The following ABI3BP variants were observed in gnomAD, a reference collection of about 807,000 sequenced individuals.
ABI3BP encodes the protein ABI family member 3 binding protein.
ABI3BP carries 216 observed loss-of-function variants against 268.6 expected under a neutral mutation model. The ratio of observed to expected loss-of-function variants is 0.80; its 90% confidence interval spans 0.72 to 0.90. The LOEUF is 0.90. Among genes scored for constraint, ABI3BP ranks in the 40% least tolerant of loss-of-function variants. The pLI, the probability that ABI3BP is intolerant of heterozygous loss-of-function variation, is 0.00. For missense variants in ABI3BP, 2,090 were observed against 2,182.4 expected (o/e 0.96, Z 0.84); for synonymous variants, 730 against 730.0 (o/e 1.00, Z 0.00).
chr3:100,871,690 C>T lies in ABI3BP; in HGVS notation c.910+3151G>A, dbSNP rs1424749859. ...TTCCATCACGAATGTGAGGCTTCCC[C>T]AGCCATGTGGAACTATAAGTCCAAT... On this transcript the variant is annotated intron_variant, in intron 9 of 67. Transcript: ENST00000471714. 2.6e-5 allele frequency among the ~76,000 whole-genome samples: 4 copies of T among 152,190 alleles called. No individual in the cohort carries two copies. The East Asian group carries it at 7.7e-4, about 29-fold the overall frequency.
At chr3:100,878,068 G>A (rs996330413) in intron 6 of ABI3BP, among the ~76,000 whole-genome samples, 1 of 152,096 alleles carries the variant, frequency 6.6e-6, no homozygotes, top group Non-Finnish European at 1.5e-5. Flanking sequence ...TTGACTCAAT[G>A]ATTTCCTCCT....
At position 100,859,258 on chromosome 3, in the gene ABI3BP, A is replaced by G. The variant is rs2098970664; in HGVS notation, c.1285+3053T>C. On this transcript the variant is annotated intron_variant, in intron 14 of 67. Coordinates refer to ENST00000471714, the MANE Select transcript of ABI3BP (RefSeq NM_001375547.2). ...ATCATACCCCAACAGAGAAAACAGA[A>G]TGTGCTCATTTGGCTGTAATAATGT... Among the ~76,000 whole-genome samples, 2 of 152,056 alleles carry G rather than the reference A, an allele frequency of 1.3e-5. 1 individual carries two copies. Among genetic ancestry groups the G allele is most frequent in the South Asian group, 4.1e-4 (2 of 4,830 alleles).
intron 1 of ABI3BP, among the ~76,000 whole-genome samples, chr3:100,943,815 GC>G (rs767888151): frequency 2.6e-5 from 4 of 151,892 alleles, no homozygotes; most frequent in African/African-American, 4.8e-5. Flanking sequence ...TTCATAATCA[GC>G]CTCTTTTGAT....
At chr3:100,884,902 T>A (rs1328163486) in intron 6 of ABI3BP, among the ~76,000 whole-genome samples, 1 of 152,074 alleles carries the variant, frequency 6.6e-6, no homozygotes, top group Non-Finnish European at 1.5e-5. Context: ...TAACAGTGAC[T>A]TACAGTCATC....
At chr3:100,947,141 TAATAA>T (rs1440556017) in intron 1 of ABI3BP, among the ~76,000 whole-genome samples, 8 of 152,264 alleles carry the variant, frequency 5.3e-5, no homozygotes, top group African/African-American at 1.9e-4. Context: ...TTTTCAATAT[TAATAA>T]AATATTGAAA....
intron 55 of ABI3BP, among the ~76,000 whole-genome samples, chr3:100,790,854 T>A (rs1048595414): frequency 6.6e-6 from 1 of 151,998 alleles, no homozygotes; most frequent in Non-Finnish European, 1.5e-5. Context: ...AGAATATGTA[T>A]AAATTTTAAG....
intron 2 of ABI3BP, among the ~76,000 whole-genome samples, chr3:100,907,097 C>A (rs1388581564): frequency 6.6e-6 from 1 of 152,190 alleles, no homozygotes; most frequent in Non-Finnish European, 1.5e-5. Flanking sequence ...TCCTATGCAA[C>A]TACATGCTAG....
chr3:100,987,861 G>A (rs920419595), intron 1 of ABI3BP, among the ~76,000 whole-genome samples: 1 of 152,136 alleles, frequency 6.6e-6, no homozygotes, highest in Non-Finnish European at 1.5e-5. Flanking sequence ...ATACTTTTAA[G>A]AATTATTAAG....
At chr3:100,846,182 T>C (rs1417840836) in intron 20 of ABI3BP, among the ~76,000 whole-genome samples, 190 bp downstream of exon 20, 1 of 152,194 alleles carries the variant, frequency 6.6e-6, no homozygotes, top group East Asian at 1.9e-4. Context: ...ATCATGAACA[T>C]TGCTGAGAGC....
intron 40 of ABI3BP, among the ~76,000 whole-genome samples, chr3:100,819,641 T>C (rs1203276611): frequency 2.0e-5 from 3 of 151,900 alleles, no homozygotes; most frequent in Non-Finnish European, 4.4e-5. Flanking sequence ...ATGAGGACAA[T>C]TGAATGAAAT....
chr3:100,948,261 A>C (rs2073416408), intron 1 of ABI3BP, among the ~76,000 whole-genome samples: 1 of 152,222 alleles, frequency 6.6e-6, no homozygotes, highest in Non-Finnish European at 1.5e-5. Context: ...TTCAAATCTT[A>C]GATGATTAAA....
chr3:100,949,084 C>T (rs2073807799), intron 1 of ABI3BP, among the ~76,000 whole-genome samples: 1 of 151,998 alleles, frequency 6.6e-6, no homozygotes. Flanking sequence ...TGTTCCATAA[C>T]CTGCATTTTC....
At chr3:100,958,468 T>A (rs1240483825) in intron 1 of ABI3BP, among the ~76,000 whole-genome samples, 1 of 152,200 alleles carries the variant, frequency 6.6e-6, no homozygotes, top group Non-Finnish European at 1.5e-5. Context: ...ATGTATACAT[T>A]GGGAAAACTA....
intron 1 of ABI3BP, among the ~76,000 whole-genome samples, chr3:100,977,238 G>A (rs1326430095): frequency 6.6e-6 from 1 of 151,970 alleles, no homozygotes; most frequent in Non-Finnish European, 1.5e-5. Context: ...AATTAAAAAG[G>A]CATCACATAT....
At chr3:100,910,088 G>T (rs888054184) in intron 2 of ABI3BP, among the ~76,000 whole-genome samples, 1 of 152,130 alleles carries the variant, frequency 6.6e-6, no homozygotes, top group Non-Finnish European at 1.5e-5. Flanking sequence ...CATAAAAAAG[G>T]ATGAGTTCAT....
chr3:100,826,229 T>A (rs914336637), intron 34 of ABI3BP, among the ~76,000 whole-genome samples: 2 of 152,168 alleles, frequency 1.3e-5, no homozygotes, highest in Non-Finnish European at 2.9e-5. Context: ...GAAACCACAC[T>A]TGCAGACACA....
intron 1 of ABI3BP, among the ~76,000 whole-genome samples, chr3:100,948,043 G>A (rs1041299493): frequency 1.3e-5 from 2 of 152,172 alleles, no homozygotes; most frequent in Non-Finnish European, 2.9e-5. Context: ...GAGCAAAGGT[G>A]CTGAGGGAGG....
At chr3:100,809,372 T>A (rs779345948) in intron 49 of ABI3BP, among the ~76,000 whole-genome samples, 59 of 152,240 alleles carry the variant, frequency 3.9e-4, no homozygotes, top group Non-Finnish European at 1.5e-4. Context: ...ATATGCCACT[T>A]ACTTTGCCAG....
chr3:100,904,306 A>G (rs2052095096), intron 2 of ABI3BP, among the ~76,000 whole-genome samples: 1 of 152,146 alleles, frequency 6.6e-6, no homozygotes, highest in African/African-American at 2.4e-5. Flanking sequence ...TGCTGTCACC[A>G]TCTTGAAATT....
Sources: gnomAD v4.1 joint callset for allele counts (sites outside exome capture counted in the v4.1 genomes callset) on GRCh38, gnomAD v4.1.1 for gene constraint, MANE v1.5 for transcripts, NCBI Gene and HGNC (gene_info 2026-07-23, HGNC 2026-07-21) for gene names.